TVP23C: variants seen among roughly 807,000 people sequenced by gnomAD.
The protein encoded by TVP23C is Golgi apparatus membrane protein TVP23 homolog C.
Under a neutral mutation model 28.7 loss-of-function variants are expected in TVP23C, and 19 were observed. That is an observed-to-expected ratio of 0.66 (90% CI 0.46 to 0.97). TVP23C has a LOEUF of 0.97. Among genes scored for constraint, TVP23C ranks in the 50% least tolerant of loss-of-function variants. TVP23C has a pLI of 0.00. For missense variants in TVP23C, 186 were observed against 241.3 expected (o/e 0.77, Z 1.52); for synonymous variants, 68 against 81.7 (o/e 0.83, Z 0.90).
exon 6 of TVP23C, chr17:15,502,961 A>C (rs768476226): frequency 1.2e-6 from 2 of 1,614,120 alleles, no homozygotes; most frequent in South Asian, 2.2e-5. Flanking sequence ...CCAAAGCCGC[A>C]AGGAGAGAAA....
chr17:15,526,012 CAAGT>C (rs1200831286), intron 5 of TVP23C, among the ~76,000 whole-genome samples: 1 of 152,176 alleles, frequency 6.6e-6, no homozygotes, highest in Non-Finnish European at 1.5e-5. Flanking sequence ...ACCAACACAG[CAAGT>C]AAGTATGAAG....
intron 2 of TVP23C, 75 bp downstream of exon 2, chr17:15,555,207 T>A (rs1597547283): frequency 6.3e-7 from 1 of 1,594,840 alleles, no homozygotes; most frequent in East Asian, 2.2e-5. Context: ...CTGCCTTGAC[T>A]CCCATCAGCT....
At chr17:15,518,167 CAAAAAAAAAAAAA>C (rs895582466) in intron 5 of TVP23C, among the ~76,000 whole-genome samples, 2 of 54,300 alleles carry the variant, frequency 3.7e-5, no homozygotes, top group Non-Finnish European at 7.8e-5. Flanking sequence ...GACTCCATCT[CAAAAAAAAAAAAA>C]AAAAAAAAAG....
chr17:15,529,930 T>C (rs1293315810), intron 5 of TVP23C, among the ~76,000 whole-genome samples: 2 of 151,914 alleles, frequency 1.3e-5, no homozygotes, highest in Non-Finnish European at 2.9e-5. Flanking sequence ...TCCAGAGTAG[T>C]TGGGATTACA....
intron 3 of TVP23C, among the ~76,000 whole-genome samples, chr17:15,548,457 G>T (rs11869176): frequency 1.3e-5 from 2 of 152,116 alleles, no homozygotes; most frequent in Non-Finnish European, 2.9e-5. Flanking sequence ...AAGCCACCAC[G>T]CACGGCCTCA....
exon 6 of TVP23C, chr17:15,502,685 A>T: frequency 9.2e-7 from 1 of 1,090,270 alleles, no homozygotes; most frequent in Non-Finnish European, 1.2e-6. Flanking sequence ...CCTTAGTTTT[A>T]CAAGTTCCCT....
intron 5 of TVP23C, among the ~76,000 whole-genome samples, chr17:15,522,216 C>G (rs6502459): frequency 0.26 from 39,501 of 151,944 alleles, 5,851 homozygotes; most frequent in African/African-American, 0.41. Flanking sequence ...ATTTAAGAGA[C>G]TATATAGGAG....
Position 15,553,757 on chromosome 17 carries a change from C to A in TVP23C, c.168G>T (p.Leu56Phe), listed in dbSNP as rs1427913787. ...SAIIVCLLCE[L>F]LSSSFITCMV... is the part of the protein sequence containing the mutation. ...TACAGGTAATAAAGCTGCTGCTGAG[C>A]AACTCACAGAGAAGACAGACGATGA... Residue 56 changes from leucine to phenylalanine, a missense_variant, in exon 3 of 6, where the codon TTG becomes TTT. This residue lies in a region of TVP23C where 92 missense variants were observed against 94.3 expected (regional missense o/e 0.98). Coordinates refer to ENST00000518321, the MANE Select transcript of TVP23C (RefSeq NM_001135036.2). 1.2e-6 allele frequency: 2 copies of A among 1,613,904 alleles called. No individual in the cohort carries two copies. The highest frequency in any genetic ancestry group is 3.3e-5 in the Admixed American group (2 of 60,008).
intron 5 of TVP23C, among the ~76,000 whole-genome samples, chr17:15,511,982 A>G (rs1354250518): frequency 6.6e-6 from 1 of 152,212 alleles, no homozygotes. Context: ...CTTCTCAAAA[A>G]TCACCTGGAC....
intron 5 of TVP23C, among the ~76,000 whole-genome samples, chr17:15,510,958 G>A (rs891324998): frequency 1.3e-5 from 2 of 149,932 alleles, no homozygotes; most frequent in African/African-American, 4.9e-5. Context: ...GGAGGCTGAG[G>A]CAGGAGAATC....
At chr17:15,510,283 A>C (rs188340577) in intron 5 of TVP23C, among the ~76,000 whole-genome samples, 41 of 152,352 alleles carry the variant, frequency 2.7e-4, no homozygotes, top group African/African-American at 9.9e-4. Flanking sequence ...CTAACAAACA[A>C]ATCAACAAGA....
chr17:15,514,082 C>A (rs1203302526), intron 5 of TVP23C, among the ~76,000 whole-genome samples: 2 of 152,222 alleles, frequency 1.3e-5, no homozygotes, highest in African/African-American at 4.8e-5. Flanking sequence ...TGGGGTGCAG[C>A]TATTTACTCT....
intron 5 of TVP23C, among the ~76,000 whole-genome samples, chr17:15,507,800 C>T (rs1981827938): frequency 6.6e-6 from 1 of 152,186 alleles, no homozygotes; most frequent in South Asian, 2.1e-4. Context: ...GATGGCGCCA[C>T]TGCACTTCAG....
chr17:15,542,143 G>C (rs1350525926), intron 5 of TVP23C, among the ~76,000 whole-genome samples: 1 of 152,218 alleles, frequency 6.6e-6, no homozygotes. Context: ...ACTCTGCAAA[G>C]AAGCTCTAAG....
intron 1 of TVP23C, 135 bp downstream of exon 1, chr17:15,563,302 G>A: frequency 6.8e-7 from 1 of 1,471,052 alleles, no homozygotes; most frequent in Non-Finnish European, 9.1e-7. Context: ...ACTACCCACA[G>A]CCCTCCACTC....
chr17:15,532,779 AAT>A (rs1983001225), downstream of TVP23C, among the ~76,000 whole-genome samples: 1 of 152,196 alleles, frequency 6.6e-6, no homozygotes, highest in Non-Finnish European at 1.5e-5. Flanking sequence ...CTCTTAAATT[AAT>A]ATAAGCAGCA....
At chr17:15,559,994 G>A (rs1162731998) in intron 1 of TVP23C, among the ~76,000 whole-genome samples, 2 of 149,450 alleles carry the variant, frequency 1.3e-5, no homozygotes, top group African/African-American at 2.4e-5. Context: ...GCCTCCAGGA[G>A]GAGGATCCAT....
intron 5 of TVP23C, among the ~76,000 whole-genome samples, chr17:15,509,074 G>A (rs573806436): frequency 6.6e-6 from 1 of 152,346 alleles, no homozygotes; most frequent in African/African-American, 2.4e-5. Flanking sequence ...GAGGATGCAT[G>A]AGCAAATGTG....
rs977049241 is a variant in TVP23C, at chr17:15,538,526, T to C, written c.*1886A>G. 1 of 856,240 alleles carries C rather than the reference T, an allele frequency of 1.2e-6. No homozygotes were observed. The allele number at this position is 856,240 out of a possible 1,614,324, so 53.0% of individuals were successfully genotyped here. On this transcript the variant is annotated 3_prime_UTR_variant, in exon 6 of 6. Coordinates refer to ENST00000518321, the MANE Select transcript of TVP23C (RefSeq NM_001135036.2). Reference sequence around the variant, plus strand: ...AATAGTATGAACCCGGGAGGTGGAGTTTGCAGTGAGCCGAGATCGCGCCAC... The same window carrying C: ...AATAGTATGAACCCGGGAGGTGGAGCTTGCAGTGAGCCGAGATCGCGCCAC...
Sources: allele counts gnomAD v4.1 joint callset (sites outside exome capture counted in the v4.1 genomes callset), GRCh38; gene constraint gnomAD v4.1.1; regional missense constraint gnomAD v4.1.1; transcripts MANE v1.5; gene names NCBI Gene and HGNC (gene_info 2026-07-23, HGNC 2026-07-21).